The following DPY19L3 variants were observed in gnomAD, a reference collection of about 807,000 sequenced individuals.
DPY19L3 encodes the protein protein C-mannosyl-transferase DPY19L3.
A neutral mutation model predicts 92.3 loss-of-function variants in DPY19L3; 51 were observed. The ratio of observed to expected loss-of-function variants is 0.55; its 90% confidence interval spans 0.44 to 0.70. The LOEUF is 0.70. Ranked by LOEUF, DPY19L3 falls within the 30% of genes least tolerant of loss-of-function variation. The pLI, the probability that DPY19L3 is intolerant of heterozygous loss-of-function variation, is 0.00. For synonymous variants in DPY19L3, 309 were observed against 315.2 expected (o/e 0.98, Z 0.21); for missense variants, 706 against 855.9 (o/e 0.82, Z 2.18).
intron 10 of DPY19L3, among the ~76,000 whole-genome samples, chr19:32,456,012 T>A (rs1969851431): frequency 6.6e-6 from 1 of 152,044 alleles, no homozygotes; most frequent in Non-Finnish European, 1.5e-5. Context: ...GTGGTCCTTG[T>A]TCACGTCTGT....
intron 16 of DPY19L3, among the ~76,000 whole-genome samples, chr19:32,475,413 C>G (rs1242560736): frequency 1.3e-5 from 2 of 152,204 alleles, no homozygotes; most frequent in Admixed American, 1.3e-4. Flanking sequence ...TCTCTGCATC[C>G]TAAATCTGTC....
chr19:32,410,936 C>T (rs749440500), intron 2 of DPY19L3, among the ~76,000 whole-genome samples: 8 of 152,184 alleles, frequency 5.3e-5, no homozygotes, highest in South Asian at 2.1e-4. Flanking sequence ...AGTTAAATTA[C>T]GGTTGTTAAA....
intron 8 of DPY19L3, among the ~76,000 whole-genome samples, chr19:32,445,428 G>A (rs1172714860): frequency 5.4e-4 from 29 of 54,198 alleles, no homozygotes; most frequent in Admixed American, 2.2e-3. Flanking sequence ...GGGACAGAGC[G>A]AGACTTCATC....
Position 32,468,774 on chromosome 19 carries a change from T to C in DPY19L3, c.1658T>C (p.Phe553Ser). 2 of 1,613,970 alleles carry C rather than the reference T, an allele frequency of 1.2e-6. No homozygotes were observed. Among genetic ancestry groups the C allele is most frequent in the Non-Finnish European group, 1.7e-6 (2 of 1,179,922 alleles). Residue 553 changes from phenylalanine to serine, a missense_variant, in exon 16 of 19, where the codon TTC (phenylalanine) becomes TCC (serine). Physicochemically the swap from Phe to Ser is radical, Grantham distance 155 (BLOSUM62 -2). Coordinates refer to ENST00000392250, the MANE Select transcript of DPY19L3 (RefSeq NM_001172774.2). ...GATGAACTCTCCGAGTTGAGAGAAT[T>C]CTATGATCCAGATACAGTGGAGCTG... is the stretch of plus-strand genomic sequence containing the variant. ...MMDELSELRE[F>S]YDPDTVELMN...
At chr19:32,447,883 A>G (rs1158881881) in intron 8 of DPY19L3, among the ~76,000 whole-genome samples, 1 of 152,088 alleles carries the variant, frequency 6.6e-6, no homozygotes, top group Non-Finnish European at 1.5e-5. Flanking sequence ...AAAGATTAGT[A>G]AAATTGCGAA....
chr19:32,460,244 A>AAAAAAG lies in DPY19L3; in HGVS notation c.1322+1747_1322+1752dup, dbSNP rs938143444. Among the ~76,000 whole-genome samples the AAAAAAG allele has an allele frequency of 2.0e-5, 3 of 152,198 alleles. No homozygotes were observed. The South Asian group carries it at 6.2e-4, about 32-fold the overall frequency. Reference sequence around the variant, plus strand: ...AGCAAGACCGCATCTCTACGGAAAAAAAAAAGAAAAAGAAAAATTAGCCAG... The same window carrying AAAAAAG: ...AGCAAGACCGCATCTCTACGGAAAAAAAAAAGAAAAAGAAAAAGAAAAATTAGCCAG... On this transcript the variant is annotated intron_variant, in intron 12 of 18. Transcript: ENST00000392250.
chr19:32,480,561 A>T lies in DPY19L3; in HGVS notation c.1989+4A>T. On this transcript the variant is annotated splice_donor_region_variant and intron_variant, in intron 18 of 18. Coordinates refer to ENST00000392250, the MANE Select transcript of DPY19L3 (RefSeq NM_001172774.2). ...GCTGGACATTGCCAACGGCCACGTG[A>T]GCATGCTGCCTCTCCCTGTGTGGGG... 2 of 1,610,954 alleles carry T rather than the reference A, an allele frequency of 1.2e-6. No individual in the cohort carries two copies.
chr19:32,446,893 A>G (rs1458934870), intron 8 of DPY19L3, among the ~76,000 whole-genome samples: 2 of 152,230 alleles, frequency 1.3e-5, no homozygotes. Flanking sequence ...AACTCCACCC[A>G]GTAACAGCAG....
intron 15 of DPY19L3, chr19:32,467,329 A>G: frequency 3.4e-6 from 2 of 596,914 alleles, no homozygotes; most frequent in Non-Finnish European, 4.2e-6. Flanking sequence ...GATTTCAAAT[A>G]TGTTTATACT....
intron 16 of DPY19L3, among the ~76,000 whole-genome samples, chr19:32,470,038 AG>A (rs1334260239): frequency 2.6e-5 from 4 of 152,214 alleles, no homozygotes; most frequent in Admixed American, 2.6e-4. Context: ...AGTGCTTGAC[AG>A]CTGAGGCCTC....
intron 12 of DPY19L3, among the ~76,000 whole-genome samples, chr19:32,459,245 G>T (rs567860357): frequency 6.6e-6 from 1 of 152,150 alleles, no homozygotes. Context: ...CAAGCTGCTG[G>T]GGGGGTTTGC....
At chr19:32,406,131 G>T (rs1967934429) in intron 1 of DPY19L3, 1 of 152,008 alleles carries the variant, frequency 6.6e-6, no homozygotes, top group African/African-American at 2.4e-5. Flanking sequence ...GACCAAGTTT[G>T]CGGAGCGGCT....
chr19:32,438,020 G>A (rs1183923332), intron 6 of DPY19L3, among the ~76,000 whole-genome samples: 3 of 152,090 alleles, frequency 2.0e-5, no homozygotes, highest in Non-Finnish European at 4.4e-5. Flanking sequence ...ATAGGGTTGT[G>A]TATGGCTCTC....
chr19:32,481,179 G>C (rs1455887369), intron 18 of DPY19L3: 3 of 168,052 alleles, frequency 1.8e-5, no homozygotes, highest in African/African-American at 7.1e-5. Context: ...TTAGAGGTGT[G>C]ATGTGTGCTG....
At position 32,482,717 on chromosome 19, in the gene DPY19L3, G is replaced by A. The variant is rs1261995388; in HGVS notation, c.*477G>A. On this transcript the variant is annotated 3_prime_UTR_variant, in exon 19 of 19. Coordinates refer to ENST00000392250, the MANE Select transcript of DPY19L3 (RefSeq NM_001172774.2). ...TTTTTAAAAAGCACTTTAGTGTCCT[G>A]TTTTACCTTAAAATGTTATAATATT... The A allele has an allele frequency of 6.5e-6, 1 of 152,812 alleles. No individual in the cohort carries two copies. Among genetic ancestry groups the A allele is most frequent in the Non-Finnish European group, 1.5e-5 (1 of 68,498 alleles). The allele number at this position is 152,812 out of a possible 1,614,324, so 9.5% of individuals were successfully genotyped here. A position where few individuals can be genotyped will look rare whatever the true frequency, so the allele number is the denominator to read the frequency against.
At position 32,429,866 on chromosome 19, in the gene DPY19L3, T is replaced by A. The variant is rs192549272; in HGVS notation, c.238-2850T>A. Among the ~76,000 whole-genome samples, 37 of 152,332 alleles carry A rather than the reference T, an allele frequency of 2.4e-4. No homozygotes were observed. The East Asian group carries it at 6.6e-3, about 27-fold the overall frequency. On this transcript the variant is annotated intron_variant, in intron 3 of 18. Transcript: ENST00000392250. Reference sequence around the variant, plus strand: ...TTCATAGCCTCTGTGGTTATTTGAATGAGTAGGAGTTTGGACATTCTAGAA... The same window carrying A: ...TTCATAGCCTCTGTGGTTATTTGAAAGAGTAGGAGTTTGGACATTCTAGAA...
chr19:32,452,441 A>G lies in DPY19L3; in HGVS notation c.856-704A>G, dbSNP rs1969732285. ...GCAAGGAATGATACAGTCCTAAAGTATAGAGTATGGAAAACTAGGAAATAA... is the reference window on the plus strand; with the variant it reads ...GCAAGGAATGATACAGTCCTAAAGTGTAGAGTATGGAAAACTAGGAAATAA... On this transcript the variant is annotated intron_variant, in intron 8 of 18. Transcript: ENST00000392250. Among the ~76,000 whole-genome samples, 3 of 152,242 alleles carry G rather than the reference A, an allele frequency of 2.0e-5. No homozygotes were observed. The South Asian group carries it at 6.2e-4, about 31-fold the overall frequency.
At chr19:32,420,158 A>G (rs187841901) in intron 3 of DPY19L3, among the ~76,000 whole-genome samples, 15 of 152,216 alleles carry the variant, frequency 9.9e-5, no homozygotes, top group Admixed American at 9.2e-4. Context: ...ACACCCAGCT[A>G]GTAAAAGCCT....
intron 2 of DPY19L3, among the ~76,000 whole-genome samples, chr19:32,409,457 A>G (rs1968101239): frequency 1.3e-5 from 2 of 152,242 alleles, no homozygotes; most frequent in Non-Finnish European, 2.9e-5. Flanking sequence ...GCTAATACAG[A>G]CAGAACTGTG....
Sources: allele counts gnomAD v4.1 joint callset (sites outside exome capture counted in the v4.1 genomes callset), GRCh38; gene constraint gnomAD v4.1.1; transcripts MANE v1.5; gene names NCBI Gene and HGNC (gene_info 2026-07-23, HGNC 2026-07-21).